CRACD: variants seen among roughly 807,000 people sequenced by gnomAD.
CRACD encodes capping protein-inhibiting regulator of actin dynamics.
A neutral mutation model predicts 106.8 loss-of-function variants in CRACD; 56 were observed. The ratio of observed to expected loss-of-function variants is 0.52; its 90% CI spans 0.42 to 0.66. The LOEUF is 0.66. CRACD is among the 30% of genes least tolerant of loss of function. The pLI, the probability that CRACD is intolerant of heterozygous loss-of-function variation, is 0.00. For synonymous variants in CRACD, 754 were observed against 670.8 expected, an observed-to-expected ratio of 1.12 and a Z score of -1.92; for missense variants, 1,730 against 1,623.2, an observed-to-expected ratio of 1.07 and a Z score of -1.13.
At chr4:56,299,068 G>A (rs967483618) in intron 4 of CRACD, among the ~76,000 whole-genome samples, 3 of 152,120 alleles carry the variant, frequency 2.0e-5, no homozygotes, top group Non-Finnish European at 4.4e-5. Flanking sequence ...TCCACTTTCC[G>A]AGTCTCTGTA....
chr4:56,117,179 C>A (rs1486697916), intron 1 of CRACD, among the ~76,000 whole-genome samples: 1 of 152,110 alleles, frequency 6.6e-6, no homozygotes, highest in Non-Finnish European at 1.5e-5. Flanking sequence ...CGCCACCACG[C>A]CTGGCTAATT....
chr4:56,290,654 G>T lies in CRACD; in HGVS notation c.-16-7560G>T, dbSNP rs1743653556. On this transcript the variant is annotated intron_variant, in intron 3 of 10. Transcript: ENST00000682029. ...GATGAAATGTTTCAAAGCCCAACCT[G>T]TCTGTCAATAAAAATAATATCAATG... 2.0e-5 allele frequency among the ~76,000 whole-genome samples: 3 copies of T among 152,170 alleles called. No homozygotes were observed. The South Asian group carries it at 6.2e-4, about 32-fold the overall frequency.
At chr4:56,327,581 A>G (rs1746531776) in intron 10 of CRACD, 63 bp from the exon 11 acceptor site, 5 of 1,474,348 alleles carry the variant, frequency 3.4e-6, no homozygotes, top group African/African-American at 1.4e-5. Flanking sequence ...CTGTTAATTA[A>G]AAAGAAAATT....
intron 2 of CRACD, among the ~76,000 whole-genome samples, chr4:56,269,611 G>T (rs1742230877): frequency 6.8e-6 from 1 of 146,174 alleles, no homozygotes; most frequent in Non-Finnish European, 1.5e-5. Context: ...TGTCACCCAG[G>T]CTGGAGTACA....
chr4:56,055,103 G>A (rs1732010451), intron 1 of CRACD, among the ~76,000 whole-genome samples: 1 of 152,106 alleles, frequency 6.6e-6, no homozygotes, highest in South Asian at 2.1e-4. Context: ...GCAGGTAGCA[G>A]CTGCTAAGAG....
At chr4:56,244,982 T>A (rs2109571976) in intron 2 of CRACD, among the ~76,000 whole-genome samples, 1 of 152,322 alleles carries the variant, frequency 6.6e-6, no homozygotes, top group Admixed American at 6.5e-5. Context: ...ACTCCCTGCA[T>A]TTTCTCACCT....
At chr4:56,192,029 A>G (rs1293580819) in intron 2 of CRACD, among the ~76,000 whole-genome samples, 3 of 152,204 alleles carry the variant, frequency 2.0e-5, no homozygotes, top group African/African-American at 7.2e-5. Flanking sequence ...CTGTATATAA[A>G]TATGAACCTA....
chr4:56,054,267 ACC>A (rs1388880216), intron 1 of CRACD, among the ~76,000 whole-genome samples: 10 of 152,006 alleles, frequency 6.6e-5, no homozygotes, highest in African/African-American at 2.4e-4. Flanking sequence ...TGCAGCCTCT[ACC>A]TCCTGGGCTC....
intron 2 of CRACD, among the ~76,000 whole-genome samples, chr4:56,229,173 T>C (rs1739476259): frequency 6.6e-6 from 1 of 152,122 alleles, no homozygotes. Context: ...AGTGGGGTGG[T>C]TTGAATGTAT....
At chr4:56,064,538 C>T (rs1732393771) in intron 1 of CRACD, among the ~76,000 whole-genome samples, 1 of 152,132 alleles carries the variant, frequency 6.6e-6, no homozygotes, top group Admixed American at 6.5e-5. Flanking sequence ...TGCCTTTTTC[C>T]AAAGCCAGAC....
chr4:56,209,860 A>G (rs1197761365), intron 2 of CRACD, among the ~76,000 whole-genome samples: 1 of 152,164 alleles, frequency 6.6e-6, no homozygotes, highest in African/African-American at 2.4e-5. Flanking sequence ...CTCCTGACTC[A>G]CAGGTAGTCA....
At chr4:56,069,220 C>G (rs527318139) in intron 1 of CRACD, among the ~76,000 whole-genome samples, 1 of 152,310 alleles carries the variant, frequency 6.6e-6, no homozygotes, top group South Asian at 2.1e-4. Flanking sequence ...GTTTAAGCCA[C>G]CCAGTTTGTG....
chr4:56,198,808 T>G (rs1323089372), intron 2 of CRACD, among the ~76,000 whole-genome samples: 1 of 152,132 alleles, frequency 6.6e-6, no homozygotes, highest in Non-Finnish European at 1.5e-5. Flanking sequence ...GAAAAAATAA[T>G]ATATTTAAAA....
intron 1 of CRACD, among the ~76,000 whole-genome samples, chr4:56,178,628 C>T (rs972107688): frequency 6.6e-5 from 10 of 152,304 alleles, no homozygotes; most frequent in African/African-American, 2.2e-4. Context: ...GGCTTGACAC[C>T]CTTGTCCATC....
At chr4:56,253,094 C>T (rs1339841174) in intron 2 of CRACD, among the ~76,000 whole-genome samples, 1 of 152,162 alleles carries the variant, frequency 6.6e-6, no homozygotes, top group Non-Finnish European at 1.5e-5. Flanking sequence ...TGAGCATGTT[C>T]TTCCCTAGGA....
At chr4:56,081,550 TATC>T (rs1244178571) in intron 1 of CRACD, among the ~76,000 whole-genome samples, 2 of 152,184 alleles carry the variant, frequency 1.3e-5, no homozygotes, top group African/African-American at 4.8e-5. Flanking sequence ...AAAGGAAAAT[TATC>T]ATTGTAGGAT....
chr4:56,188,929 C>G (rs944979651), intron 2 of CRACD, among the ~76,000 whole-genome samples: 2 of 152,144 alleles, frequency 1.3e-5, no homozygotes, highest in African/African-American at 2.4e-5. Flanking sequence ...CCCAGTACTT[C>G]GGAAGGCCGA....
At chr4:56,089,894 A>G (rs1733362769) in intron 1 of CRACD, among the ~76,000 whole-genome samples, 1 of 152,172 alleles carries the variant, frequency 6.6e-6, no homozygotes. Flanking sequence ...AGGTTTTATC[A>G]ACCATTAAGA....
intron 3 of CRACD, among the ~76,000 whole-genome samples, chr4:56,279,498 C>A (rs1299511563): frequency 1.3e-5 from 2 of 152,296 alleles, no homozygotes; most frequent in East Asian, 3.9e-4. Flanking sequence ...TGAACAGACA[C>A]TTCTCAAAAG....
Sources: gnomAD v4.1 joint callset for allele counts (sites outside exome capture counted in the v4.1 genomes callset) on GRCh38, gnomAD v4.1.1 for gene constraint, MANE v1.5 for transcripts, NCBI Gene and HGNC (gene_info 2026-07-23, HGNC 2026-07-21) for gene names.